MAVS: variants seen among roughly 807,000 people sequenced by gnomAD.
The protein encoded by MAVS is mitochondrial antiviral signaling protein.
In MAVS, 20 loss-of-function variants were observed where a neutral mutation model predicts 30.2. The ratio of observed to expected loss-of-function variants is 0.66; its 90% CI spans 0.47 to 0.96. The LOEUF is 0.96. Among genes scored for constraint, MAVS ranks in the 40% least tolerant of loss-of-function variants. MAVS has a pLI of 0.00. For missense variants in MAVS, 624 were observed against 701.1 expected, an observed-to-expected ratio of 0.89 and a Z score of 1.24; for synonymous variants, 278 against 293.9, an observed-to-expected ratio of 0.95 and a Z score of 0.55.
In MAVS at chr20:3,857,774, A is replaced by G. The variant is rs745383241; in HGVS notation, c.257A>G (p.Asp86Gly). The change falls in exon 3 of 7, where the codon GAC becomes GGC. Residue 86 changes from aspartate to glycine, a missense_variant. Transcript: ENST00000428216. ...GGCTGTGAGCTAGTTGATCTCGCGG[A>G]CGAAGTGGCCTCTGTCTACCAGAGC... ...LRGCELVDLADEVASVYQSYQ... is the reference protein window; with the variant it reads ...LRGCELVDLAGEVASVYQSYQ... 5.0e-6 allele frequency: 8 copies of G among 1,614,166 alleles called. No individual in the cohort carries two copies. Among genetic ancestry groups the G allele is most frequent in the Non-Finnish European group, 6.8e-6 (8 of 1,180,028 alleles).
rs1325901176 is a variant in MAVS, at chr20:3,875,222, T to C, written c.*9075T>C. 6.6e-6 allele frequency: 1 copy of C among 152,152 alleles called. No homozygotes were observed. The highest frequency in any genetic ancestry group is 1.5e-5 in the Non-Finnish European group (1 of 68,060). 9.4% of individuals were successfully genotyped at this position (152,152 alleles called of 1,614,324 possible). On this transcript the variant is annotated 3_prime_UTR_variant, in exon 7 of 7. Coordinates refer to ENST00000428216, the MANE Select transcript of MAVS (RefSeq NM_020746.5). Reference sequence around the variant, plus strand: ...AGAAGCCAGGAGTTCGAGACCAGCCTGGGTAACATAGCTAGACCACATCTC... The same window carrying C: ...AGAAGCCAGGAGTTCGAGACCAGCCCGGGTAACATAGCTAGACCACATCTC...
chr20:3,862,557 T>A, intron 5 of MAVS, 144 bp downstream of exon 5: 1 of 859,478 alleles, frequency 1.2e-6, no homozygotes, highest in Non-Finnish European at 1.7e-6. Flanking sequence ...AGTTCCTTAG[T>A]GGGTGTATCA....
At chr20:3,851,285 G>A (rs548800634) in intron 1 of MAVS, among the ~76,000 whole-genome samples, 3 of 150,338 alleles carry the variant, frequency 2.0e-5, no homozygotes, top group African/African-American at 4.9e-5. Context: ...CCGAGATTAC[G>A]CCACTGCACT....
At chr20:3,863,248 C>G (rs1242135671) in intron 5 of MAVS, among the ~76,000 whole-genome samples, 1 of 152,170 alleles carries the variant, frequency 6.6e-6, no homozygotes, top group Non-Finnish European at 1.5e-5. Context: ...TCAGTGCTCC[C>G]CCTCAGAAAT....
chr20:3,848,341 TG>T, intron 1 of MAVS, among the ~76,000 whole-genome samples: 1 of 152,186 alleles, frequency 6.6e-6, no homozygotes, highest in East Asian at 1.9e-4. Flanking sequence ...TCAAGTGATC[TG>T]CCTGCCTCGG....
intron 2 of MAVS, among the ~76,000 whole-genome samples, chr20:3,856,806 G>T (rs947474675): frequency 6.6e-5 from 10 of 151,952 alleles, no homozygotes; most frequent in African/African-American, 2.4e-4. Flanking sequence ...GGCCAAGGCG[G>T]GTGGATCACC....
chr20:3,854,864 G>T, intron 2 of MAVS, 123 bp downstream of exon 2: 4 of 553,048 alleles, frequency 7.2e-6, no homozygotes, highest in Non-Finnish European at 1.3e-5. Context: ...CTCTTGCTGT[G>T]TCTTGCTCCT....
At chr20:3,860,673 C>CAA in intron 3 of MAVS, among the ~76,000 whole-genome samples, 1 of 151,440 alleles carries the variant, frequency 6.6e-6, no homozygotes. Context: ...CCACGTCTGG[C>CAA]TTCTTTTTCT....
Position 3,873,739 on chromosome 20 carries a change from T to C in MAVS, c.*7592T>C, listed in dbSNP as rs191823780. Reference sequence around the variant, plus strand: ...ATCTGCTGGCACCTTGATCTTGGACTTCCCAGCCTCTAGAACTGTGAGAAA... The same window carrying C: ...ATCTGCTGGCACCTTGATCTTGGACCTCCCAGCCTCTAGAACTGTGAGAAA... On this transcript the variant is annotated 3_prime_UTR_variant, in exon 7 of 7. Coordinates refer to ENST00000428216, the MANE Select transcript of MAVS (RefSeq NM_020746.5). The C allele has an allele frequency of 5.9e-6, 1 of 168,812 alleles. No homozygotes were observed. Among genetic ancestry groups the C allele is most frequent in the East Asian group, 1.6e-4 (1 of 6,178 alleles). 10.5% of individuals were successfully genotyped at this position (168,812 alleles called of 1,614,324 possible). A position where few individuals can be genotyped will look rare whatever the true frequency, so the allele number is the denominator to read the frequency against.
At chr20:3,862,131 C>A in intron 4 of MAVS, 123 bp from the exon 5 acceptor site, 1 of 1,128,096 alleles carries the variant, frequency 8.9e-7, no homozygotes. Context: ...GGCAAGGGCT[C>A]CCCTGGCTCC....
At position 3,849,452 on chromosome 20, in the gene MAVS, G is replaced by A. The variant is rs181373103; in HGVS notation, c.-68+2549G>A. ...CCTCCTGAGCTCAGGTGATCCACCC[G>A]CCTAGGCCTCCCAAAGTGCTGGGAT... On this transcript the variant is annotated intron_variant, in intron 1 of 6. Coordinates refer to ENST00000428216, the MANE Select transcript of MAVS (RefSeq NM_020746.5). Among the ~76,000 whole-genome samples the A allele has an allele frequency of 8.3e-3, 1,271 of 152,244 alleles. 22 individuals are homozygous for A. Among genetic ancestry groups the A allele is most frequent in the African/African-American group, 0.029 (1,201 of 41,544 alleles).
In MAVS at chr20:3,850,961, G is replaced by T. The variant is rs111347187; in HGVS notation, c.-67-3597G>T. Among the ~76,000 whole-genome samples, 1,099 of 151,592 alleles carry T rather than the reference G, an allele frequency of 7.2e-3. 10 individuals are homozygous for T. Among genetic ancestry groups the T allele is most frequent in the African/African-American group, 0.025 (1,012 of 41,270 alleles). The stretch of plus-strand genomic sequence containing the variant: ...AGCACTGTGCAGGCCAAGGCAAGAG[G>T]ATCACTTGAGGTCAAGAGTTCGAGA... On this transcript the variant is annotated intron_variant, in intron 1 of 6. Transcript: ENST00000428216.
At chr20:3,853,427 A>G (rs930386398) in intron 1 of MAVS, among the ~76,000 whole-genome samples, 4 of 150,468 alleles carry the variant, frequency 2.7e-5, no homozygotes, top group African/African-American at 7.3e-5. Flanking sequence ...CGGAGCTTGC[A>G]GTGAGCCGAG....
Position 3,853,617 on chromosome 20 carries a change from G to C in MAVS, c.-67-941G>C, listed in dbSNP as rs914537412. ...GAGACCAGCCTGGGCAGCATCATGA[G>C]ACCCTGTCTCTAGAAAAAATAAAAA... On this transcript the variant is annotated intron_variant, in intron 1 of 6. Coordinates refer to ENST00000428216, the MANE Select transcript of MAVS (RefSeq NM_020746.5). Among the ~76,000 whole-genome samples the C allele has an allele frequency of 2.0e-5, 3 of 152,178 alleles. No individual in the cohort carries two copies. In the South Asian group the frequency reaches 6.2e-4, roughly 32 times the overall value.
At chr20:3,858,230 C>T (rs960929699) in intron 3 of MAVS, among the ~76,000 whole-genome samples, 8 of 152,046 alleles carry the variant, frequency 5.3e-5, no homozygotes, top group African/African-American at 1.9e-4. Flanking sequence ...CCCTCCCTCT[C>T]TCCTCCTTCT....
At chr20:3,858,145 G>A (rs2089829262) in intron 3 of MAVS, among the ~76,000 whole-genome samples, 1 of 152,074 alleles carries the variant, frequency 6.6e-6, no homozygotes, top group Non-Finnish European at 1.5e-5. Context: ...AGCACATGGA[G>A]TCTCCCCTAA....
intron 2 of MAVS, 150 bp downstream of exon 2, chr20:3,854,891 C>CTTTTTTTTTT (rs61256246): frequency 6.6e-6 from 2 of 304,162 alleles, no homozygotes; most frequent in Non-Finnish European, 1.2e-5. Context: ...TGCTGCTTTT[C>CTTTTTTTTTT]TTTTTTTTTT....
chr20:3,869,734 AGCT>A lies in MAVS; in HGVS notation c.*3589_*3591del, dbSNP rs2089939860. 1 of 152,010 alleles carries A rather than the reference AGCT, an allele frequency of 6.6e-6. No homozygotes were observed. The highest frequency in any genetic ancestry group is 2.1e-4 in the South Asian group (1 of 4,824). The allele number at this position is 152,010 out of a possible 1,614,324, so 9.4% of individuals were successfully genotyped here. A position where few individuals can be genotyped will look rare whatever the true frequency, so the allele number is the denominator to read the frequency against. On this transcript the variant is annotated 3_prime_UTR_variant, in exon 7 of 7. Coordinates refer to ENST00000428216, the MANE Select transcript of MAVS (RefSeq NM_020746.5). Reference sequence around the variant, plus strand: ...ATTCTCCTGCCTCAGCCTCCCGAGTAGCTGGGATTACAGAGGCCTGCCACCACA... The same window carrying A: ...ATTCTCCTGCCTCAGCCTCCCGAGTAGGGATTACAGAGGCCTGCCACCACA...
At chr20:3,849,855 CT>C in intron 1 of MAVS, among the ~76,000 whole-genome samples, 2 of 152,304 alleles carry the variant, frequency 1.3e-5, no homozygotes, top group African/African-American at 4.8e-5. Context: ...GACCTTGTCT[CT>C]TTTATTCCCT....
Sources: allele counts gnomAD v4.1 joint callset (sites outside exome capture counted in the v4.1 genomes callset), GRCh38; gene constraint gnomAD v4.1.1; transcripts MANE v1.5; gene names NCBI Gene and HGNC (gene_info 2026-07-23, HGNC 2026-07-21).